The following SULT2B1 variants were observed in gnomAD, a reference collection of about 807,000 sequenced individuals.
The protein encoded by SULT2B1 is sulfotransferase 2B1.
Under a neutral mutation model 33.2 loss-of-function variants are expected in SULT2B1, and 16 were observed. The ratio of observed to expected loss-of-function variants is 0.48; its 90% CI spans 0.33 to 0.73. The LOEUF (loss-of-function observed/expected upper bound fraction) is 0.73, where lower values mean the gene tolerates loss of function less well. Ranked by LOEUF, SULT2B1 falls within the 30% of genes least tolerant of loss-of-function variation. SULT2B1 has a pLI of 0.02. For synonymous variants in SULT2B1, 186 were observed against 200.5 expected (o/e 0.93, Z 0.61); for missense variants, 500 against 506.0 (o/e 0.99, Z 0.11).
intron 5 of SULT2B1, among the ~76,000 whole-genome samples, chr19:48,593,629 AT>A (rs1973672335): frequency 2.6e-5 from 4 of 151,748 alleles, no homozygotes; most frequent in Non-Finnish European, 4.4e-5. Flanking sequence ...TATTTATTTT[AT>A]TTAATTAATT....
intron 2 of SULT2B1, among the ~76,000 whole-genome samples, chr19:48,581,295 C>T (rs113922883): frequency 6.6e-5 from 10 of 150,926 alleles, no homozygotes; most frequent in African/African-American, 2.2e-4. Context: ...CCGCCCAACT[C>T]GGCCTCCCAA....
intron 1 of SULT2B1, among the ~76,000 whole-genome samples, chr19:48,554,317 AC>A (rs1973066578): frequency 1.4e-5 from 1 of 69,156 alleles, no homozygotes; most frequent in African/African-American, 5.9e-5. Context: ...CCAGATTCGC[AC>A]CTCCTCCCAG....
intron 1 of SULT2B1, among the ~76,000 whole-genome samples, chr19:48,559,596 C>T (rs1317383806): frequency 6.6e-6 from 1 of 152,176 alleles, no homozygotes; most frequent in Non-Finnish European, 1.5e-5. Flanking sequence ...GTTCAGGACC[C>T]ATTTGGAAAG....
At chr19:48,591,946 G>GGAGACA (rs985507400) in intron 4 of SULT2B1, among the ~76,000 whole-genome samples, 3 of 152,128 alleles carry the variant, frequency 2.0e-5, no homozygotes, top group African/African-American at 7.2e-5. Context: ...AAAGGACAGA[G>GGAGACA]GAGACAGAGA....
intron 1 of SULT2B1, among the ~76,000 whole-genome samples, chr19:48,567,535 G>A (rs1012316783): frequency 3.9e-5 from 6 of 152,098 alleles, no homozygotes; most frequent in East Asian, 1.9e-4. Context: ...GCGACAGAGC[G>A]AGACTCTGTC....
At chr19:48,585,070 A>AAAT (rs1973545134) in intron 2 of SULT2B1, among the ~76,000 whole-genome samples, 1 of 150,386 alleles carries the variant, frequency 6.6e-6, no homozygotes, top group African/African-American at 2.4e-5. Context: ...AAAAAAAAAA[A>AAAT]AAGCTGGGTA....
At chr19:48,561,406 G>A (rs1307149618) in intron 1 of SULT2B1, among the ~76,000 whole-genome samples, 3 of 151,938 alleles carry the variant, frequency 2.0e-5, no homozygotes, top group African/African-American at 4.8e-5. Flanking sequence ...TCCAGCCTGG[G>A]CAACAAGAGT....
intron 1 of SULT2B1, chr19:48,575,602 T>C (rs1407032517): frequency 1.1e-5 from 2 of 175,104 alleles, no homozygotes; most frequent in Non-Finnish European, 2.4e-5. Flanking sequence ...TGCCTCAGCC[T>C]CCGGAGTAAC....
intron 4 of SULT2B1, among the ~76,000 whole-genome samples, chr19:48,592,287 G>A (rs964263243): frequency 4.6e-5 from 7 of 151,308 alleles, no homozygotes; most frequent in South Asian, 2.1e-4. Flanking sequence ...GTGAGACTCC[G>A]TCTCAAAAAA....
At chr19:48,569,535 A>T (rs908426381) in intron 1 of SULT2B1, among the ~76,000 whole-genome samples, 189 of 150,594 alleles carry the variant, frequency 1.3e-3, no homozygotes, top group African/African-American at 4.4e-3. Flanking sequence ...TTTTTTTCTT[A>T]TTTTTTAAAG....
intron 1 of SULT2B1, among the ~76,000 whole-genome samples, chr19:48,573,340 A>C (rs1014097518): frequency 6.6e-6 from 1 of 151,746 alleles, no homozygotes; most frequent in Non-Finnish European, 1.5e-5. Context: ...TCCTCCACTC[A>C]AATCGAGCGA....
Position 48,552,206 on chromosome 19 carries a change from C to T in SULT2B1, c.-47C>T, listed in dbSNP as rs768373844. The T allele has an allele frequency of 1.4e-5, 23 of 1,591,714 alleles. No homozygotes were observed. Among genetic ancestry groups the T allele is most frequent in the African/African-American group, 2.7e-5 (2 of 74,520 alleles). On this transcript the variant is annotated 5_prime_UTR_variant, in exon 1 of 7. Coordinates refer to ENST00000201586, the MANE Select transcript of SULT2B1 (RefSeq NM_177973.2). The surrounding 1 kb of genome is among the most constrained non-coding windows in gnomAD (Gnocchi z 4.8). ...CGCTGCGCACACCTGGCCTCTGTGC[C>T]GCCTGCTCCCTGCTCGTCCTCCCCT... is the stretch of plus-strand genomic sequence containing the variant.
intron 2 of SULT2B1, among the ~76,000 whole-genome samples, chr19:48,576,387 G>A (rs1973409893): frequency 5.0e-5 from 1 of 20,070 alleles, no homozygotes; most frequent in Admixed American, 3.9e-4. Flanking sequence ...TGTAGAGATG[G>A]GGTCTCGCTA....
At position 48,591,624 on chromosome 19, in the gene SULT2B1, C is replaced by G. The variant is rs1427284332; in HGVS notation, c.439C>G (p.Arg147Gly). Residue 147 changes from arginine (R) to glycine (G), a missense_variant, in exon 4 of 7, where the codon CGC becomes GGC. By Grantham distance (125) the Arg-to-Gly change is moderately radical. Transcript: ENST00000201586. ...SSKAKVIYMG[R>G]NPRDVVVSLY... ...CCGCACACAGGTGATCTACATGGGC[C>G]GCAACCCCCGGGACGTTGTGGTCTC... 6.2e-7 allele frequency: 1 copy of G among 1,612,824 alleles called. No individual in the cohort carries two copies. Among genetic ancestry groups the G allele is most frequent in the African/African-American group, 1.3e-5 (1 of 74,856 alleles).
rs1355568495 is a variant in SULT2B1, at chr19:48,576,031, C to T, written c.162C>T (p.Asn54=). Residue 54 remains asparagine, a synonymous_variant, in exon 2 of 7, where the codon AAC becomes AAT. Coordinates refer to ENST00000201586, the MANE Select transcript of SULT2B1 (RefSeq NM_177973.2). ...YSLESISLAE[N]TQDVRDDDIF... is the part of the protein sequence containing the mutation. The stretch of plus-strand genomic sequence containing the variant: ...TCGAGAGCATCAGCTTGGCGGAGAA[C>T]ACCCAAGATGTGCGGGACGACGACA... 1 of 1,613,828 alleles carries T rather than the reference C, an allele frequency of 6.2e-7. No individual in the cohort carries two copies. Among genetic ancestry groups the T allele is most frequent in the Non-Finnish European group, 8.5e-7 (1 of 1,179,968 alleles).
chr19:48,553,396 G>A (rs943099711), intron 1 of SULT2B1, among the ~76,000 whole-genome samples: 2 of 152,118 alleles, frequency 1.3e-5, no homozygotes, highest in African/African-American at 2.4e-5. Context: ...CAGCCTCCGC[G>A]TCCTGGGTTC....
chr19:48,562,386 CAA>C (rs752412445), intron 1 of SULT2B1, among the ~76,000 whole-genome samples: 9 of 132,752 alleles, frequency 6.8e-5, no homozygotes, highest in Non-Finnish European at 3.3e-5. Flanking sequence ...AACTCTGTCT[CAA>C]AAAAAAAAAA....
intron 1 of SULT2B1, among the ~76,000 whole-genome samples, chr19:48,554,654 CTTTTTTTTTTTTTTT>C (rs3859436): frequency 7.4e-5 from 1 of 13,568 alleles, no homozygotes; most frequent in African/African-American, 5.2e-4. Flanking sequence ...TACTCTACTG[CTTTTTTTTTTTTTTT>C]TTTTTTTTTT....
intron 1 of SULT2B1, among the ~76,000 whole-genome samples, chr19:48,556,629 T>C (rs1199106242): frequency 6.6e-6 from 1 of 151,446 alleles, no homozygotes; most frequent in African/African-American, 2.4e-5. Flanking sequence ...ACTATTGTTT[T>C]CAGAATACAC....
Sources: allele counts gnomAD v4.1 joint callset (sites outside exome capture counted in the v4.1 genomes callset), GRCh38; gene constraint gnomAD v4.1.1; non-coding constraint Gnocchi (gnomAD v3.1); transcripts MANE v1.5; gene names NCBI Gene and HGNC (gene_info 2026-07-23, HGNC 2026-07-21).